Variants in MGST2 observed in about 807,000 individuals in gnomAD.
MGST2 encodes the protein glutathione peroxidase MGST2.
A neutral mutation model predicts 16.6 loss-of-function variants in MGST2; 9 were observed. The ratio of observed to expected loss-of-function variants is 0.54; its 90% CI spans 0.33 to 0.95. The LOEUF (loss-of-function observed/expected upper bound fraction) is 0.95, where lower values mean the gene tolerates loss of function less well. Ranked by LOEUF, MGST2 falls within the 40% of genes least tolerant of loss-of-function variation. The probability of loss-of-function intolerance (pLI) is 0.03; values close to 1 mark genes in which losing one functional copy is unlikely to be tolerated. For synonymous variants in MGST2, 79 were observed against 68.0 expected (o/e 1.16, Z -0.79); for missense variants, 159 against 175.1 (o/e 0.91, Z 0.52).
intron 2 of MGST2, among the ~76,000 whole-genome samples, chr4:139,682,990 A>T (rs1731342977): frequency 6.6e-6 from 1 of 152,084 alleles, no homozygotes. Flanking sequence ...CCCTCTGCAC[A>T]AGGTTCGAAC....
chr4:139,700,840 A>G (rs1018790755), intron 3 of MGST2, among the ~76,000 whole-genome samples: 3 of 152,158 alleles, frequency 2.0e-5, no homozygotes, highest in Non-Finnish European at 4.4e-5. Context: ...GAGAAATTCA[A>G]TCTCCTTTTT....
chr4:139,709,799 C>G (rs780529797), intron 5 of MGST2, among the ~76,000 whole-genome samples: 2 of 152,222 alleles, frequency 1.3e-5, no homozygotes, highest in African/African-American at 2.4e-5. Context: ...CCACAGTCAT[C>G]CATGCTGGCC....
At chr4:139,748,498 A>G in the MGST2 span, among the ~76,000 whole-genome samples, 1 of 152,202 alleles carries the variant, frequency 6.6e-6, no homozygotes, top group Non-Finnish European at 1.5e-5. Flanking sequence ...GAACAGGACA[A>G]AATGCATCAG....
intron 5 of MGST2, among the ~76,000 whole-genome samples, chr4:139,734,474 C>T (rs1454999140): frequency 6.6e-6 from 1 of 152,244 alleles, no homozygotes; most frequent in African/African-American, 2.4e-5. Flanking sequence ...ACTGTGGCTA[C>T]ATAGATCTTC....
At chr4:139,685,973 T>C (rs1351293450) in intron 2 of MGST2, among the ~76,000 whole-genome samples, 1 of 152,232 alleles carries the variant, frequency 6.6e-6, no homozygotes, top group Non-Finnish European at 1.5e-5. Flanking sequence ...CTGAAGAGAT[T>C]TATTCTGAGC....
the MGST2 span, among the ~76,000 whole-genome samples, chr4:139,754,268 T>C: frequency 2.0e-5 from 3 of 152,356 alleles, no homozygotes; most frequent in South Asian, 4.1e-4. Flanking sequence ...TATGTTCTTA[T>C]AGTTCTTTAA....
chr4:139,719,366 TC>T, intron 5 of MGST2: 2 of 1,609,518 alleles, frequency 1.2e-6, no homozygotes, highest in Non-Finnish European at 1.7e-6. Flanking sequence ...CATCCACTCG[TC>T]CCCTGGCCCG....
chr4:139,698,794 T>G (rs1479484716), intron 3 of MGST2, among the ~76,000 whole-genome samples: 1 of 152,166 alleles, frequency 6.6e-6, no homozygotes, highest in Non-Finnish European at 1.5e-5. Flanking sequence ...TTTTCTTTTC[T>G]TATCTTTTCC....
intron 1 of MGST2, among the ~76,000 whole-genome samples, chr4:139,670,541 A>C (rs1459752061): frequency 6.6e-6 from 1 of 152,190 alleles, no homozygotes; most frequent in Non-Finnish European, 1.5e-5. Flanking sequence ...GTGGACTCAG[A>C]GATTCTCAGA....
At chr4:139,742,163 T>G (rs1246689847), downstream of MGST2, among the ~76,000 whole-genome samples, 1 of 149,410 alleles carries the variant, frequency 6.7e-6, no homozygotes, top group Non-Finnish European at 1.5e-5. Context: ...TTTTTTTTTT[T>G]TTTGAGAGAG....
At position 139,666,009 on chromosome 4, in the gene MGST2, C is replaced by T; in HGVS notation, c.-11C>T. 2 of 1,613,984 alleles carry T rather than the reference C, an allele frequency of 1.2e-6. No homozygotes were observed. The highest frequency in any genetic ancestry group is 1.7e-6 in the Non-Finnish European group (2 of 1,179,962). On this transcript the variant is annotated 5_prime_UTR_variant, in exon 1 of 5. Transcript: ENST00000265498. The stretch of plus-strand genomic sequence containing the variant: ...CTTCCCGTGCGCTCTACAAATAGTT[C>T]CGTGAGAAAGATGGCCGGGAACTCG...
Position 139,665,937 on chromosome 4 carries a change from T to C in MGST2, c.-83T>C, listed in dbSNP as rs900511410. 7.8e-6 allele frequency: 11 copies of C among 1,414,190 alleles called. No individual in the cohort carries two copies. Among genetic ancestry groups the C allele is most frequent in the East Asian group, 4.6e-5 (2 of 43,786 alleles). The allele number at this position is 1,414,190 out of a possible 1,614,324, so 87.6% of individuals were successfully genotyped here. A position where few individuals can be genotyped will look rare whatever the true frequency, so the allele number is the denominator to read the frequency against. On this transcript the variant is annotated 5_prime_UTR_variant, in exon 1 of 5. Transcript: ENST00000265498. ...CCCCCACCCGGTCCCCAACTTTGTT[T>C]ACCCGATAAGGAAGGTCAGCATTCA...
intron 5 of MGST2, among the ~76,000 whole-genome samples, chr4:139,726,402 G>A (rs1270360772): frequency 6.6e-6 from 1 of 152,142 alleles, no homozygotes; most frequent in Non-Finnish European, 1.5e-5. Flanking sequence ...GAACATTCCT[G>A]TACATGCCTT....
At chr4:139,687,367 C>A in intron 2 of MGST2, among the ~76,000 whole-genome samples, 1 of 152,302 alleles carries the variant, frequency 6.6e-6, no homozygotes, top group Non-Finnish European at 1.5e-5. Context: ...CGGGCCAAAC[C>A]AAATCAAGAG....
At chr4:139,707,913 T>G (rs540867197), downstream of MGST2, among the ~76,000 whole-genome samples, 1 of 151,888 alleles carries the variant, frequency 6.6e-6, no homozygotes, top group Non-Finnish European at 1.5e-5. Flanking sequence ...GTTTGTTTTT[T>G]TCTTGTAAAT....
Position 139,666,059 on chromosome 4 carries a change from C to G in MGST2, c.40C>G (p.Leu14Val). The G allele has an allele frequency of 6.2e-7, 1 of 1,614,002 alleles. No homozygotes were observed. The highest frequency in any genetic ancestry group is 8.5e-7 in the Non-Finnish European group (1 of 1,180,006). ...GATCCTGCTGGCTGCTGTCTCTATTCTCTCGGCCTGTCAGCAAAGTAAGAG... is the reference window on the plus strand; with the variant it reads ...GATCCTGCTGGCTGCTGTCTCTATTGTCTCGGCCTGTCAGCAAAGTAAGAG... ...NSILLAAVSI[L>V]SACQQSYFAL... Residue 14 changes from leucine (L) to valine (V), a missense_variant, in exon 1 of 5, where the codon CTC (leucine) becomes GTC (valine). Transcript: ENST00000265498.
intron 5 of MGST2, chr4:139,730,423 G>A (rs371095654): frequency 1.4e-5 from 21 of 1,483,322 alleles, no homozygotes; most frequent in East Asian, 1.0e-4. Context: ...TACCTGTTCC[G>A]CCAAAATCTG....
intron 5 of MGST2, chr4:139,718,387 A>AT: frequency 6.6e-6 from 1 of 152,430 alleles, no homozygotes; most frequent in Non-Finnish European, 1.5e-5. Context: ...AGGAGAAGCA[A>AT]GGGGAGGCTG....
At chr4:139,732,778 T>C (rs1314048119) in intron 5 of MGST2, among the ~76,000 whole-genome samples, 1 of 152,216 alleles carries the variant, frequency 6.6e-6, no homozygotes, top group Non-Finnish European at 1.5e-5. Flanking sequence ...GTGTTAAGTG[T>C]GCACCTAAGA....
Sources: gnomAD v4.1 joint callset for allele counts (sites outside exome capture counted in the v4.1 genomes callset) on GRCh38, gnomAD v4.1.1 for gene constraint, MANE v1.5 for transcripts, NCBI Gene and HGNC (gene_info 2026-07-23, HGNC 2026-07-21) for gene names.